SUCLA2: variants seen among roughly 807,000 people sequenced by gnomAD.
The protein encoded by SUCLA2 is succinate-CoA ligase ADP-forming subunit beta.
In SUCLA2, 30 loss-of-function variants were observed where a neutral mutation model predicts 54.8. The observed-to-expected ratio is 0.55, with a 90% CI of 0.41 to 0.74. The LOEUF (loss-of-function observed/expected upper bound fraction) is 0.74. SUCLA2 is among the 30% of genes least tolerant of loss of function. The pLI, the probability that SUCLA2 is intolerant of heterozygous loss-of-function variation, is 0.00. For synonymous variants in SUCLA2, 172 were observed against 188.9 expected (o/e 0.91, Z 0.74); for missense variants, 476 against 562.9 (o/e 0.85, Z 1.56).
At chr13:47,943,894 T>A (rs184679938) in intron 10 of SUCLA2, among the ~76,000 whole-genome samples, 2 of 151,988 alleles carry the variant, frequency 1.3e-5, no homozygotes, top group Admixed American at 1.3e-4. Context: ...CAATCTTAAC[T>A]TAAAATGTTG....
intron 6 of SUCLA2, 56 bp downstream of exon 6, chr13:47,968,539 G>A: frequency 6.3e-7 from 1 of 1,595,986 alleles, no homozygotes; most frequent in East Asian, 2.2e-5. Context: ...CTTCCTTAGG[G>A]AAGCATATTA....
At chr13:47,952,693 GA>G (rs1949785798) in intron 8 of SUCLA2, among the ~76,000 whole-genome samples, 2 of 152,058 alleles carry the variant, frequency 1.3e-5, no homozygotes, top group South Asian at 4.1e-4. Flanking sequence ...TTCCACAAGA[GA>G]ATTCATTATG....
intron 6 of SUCLA2, among the ~76,000 whole-genome samples, chr13:47,966,701 C>A (rs9526424): frequency 0.73 from 109,937 of 150,732 alleles, 41,023 homozygotes; most frequent in Non-Finnish European, 0.82. Flanking sequence ...AAATTATTTT[C>A]AAGTATTTTC....
chr13:47,965,452 C>T (rs1356082178), intron 6 of SUCLA2: 6 of 376,482 alleles, frequency 1.6e-5, no homozygotes, highest in African/African-American at 2.3e-5. Flanking sequence ...AACAGAGAAA[C>T]ACAAACTGAA....
chr13:47,996,933 T>C lies in SUCLA2; in HGVS notation c.181A>G (p.Met61Val), dbSNP rs1950196315. 6.2e-7 allele frequency: 1 copy of C among 1,613,980 alleles called. No individual in the cohort carries two copies. Among genetic ancestry groups the C allele is most frequent in the African/African-American group, 1.3e-5 (1 of 74,912 alleles). ...RNLSLHEYMS[M>V]ELLQEAGVSV... ...ACACCAGCTTCTTGCAATAATTCCA[T>C]ACTCATGTATTCATGTAGTGAGAGA... The change falls in exon 2 of 11, where the codon ATG (methionine) becomes GTG (valine). Residue 61 changes from methionine (M) to valine (V), a missense_variant. Transcript: ENST00000646932.
chr13:47,952,809 C>T (rs1199997214), intron 8 of SUCLA2, among the ~76,000 whole-genome samples: 2 of 152,260 alleles, frequency 1.3e-5, no homozygotes, highest in East Asian at 3.9e-4. Flanking sequence ...AACATTATCT[C>T]TTATCATTTA....
rs71099649 is a variant in SUCLA2 at position 47,959,503 on chromosome 13, G to GGGAGGA, written c.803-4952_803-4947dup. ...AGGAGGAGGGGGGAAGGGGAGCGGGGGGAGGAGGAGGAGGAGGAGGAGGAG... is the reference window on the plus strand; with the variant it reads ...AGGAGGAGGGGGGAAGGGGAGCGGGGGGAGGAGGAGGAGGAGGAGGAGGAGGAGGAG... On this transcript the variant is annotated intron_variant, in intron 6 of 10. Coordinates refer to ENST00000646932, the MANE Select transcript of SUCLA2 (RefSeq NM_003850.3). 9.3e-3 allele frequency among the ~76,000 whole-genome samples: 174 copies of GGGAGGA among 18,770 alleles called. 2 individuals carry two copies. Among genetic ancestry groups the GGGAGGA allele is most frequent in the Middle Eastern group, 0.031 (1 of 32 alleles). The allele number at this position is 18,770 out of a possible 152,430, so 12.3% of individuals were successfully genotyped here. A position where few individuals can be genotyped will look rare whatever the true frequency, so the allele number is the denominator to read the frequency against.
intron 4 of SUCLA2, among the ~76,000 whole-genome samples, chr13:47,974,794 G>GA (rs750009188): frequency 2.6e-5 from 4 of 151,816 alleles, no homozygotes; most frequent in Admixed American, 1.3e-4. Flanking sequence ...ATGTTAACAT[G>GA]AAAAAAAGAG....
chr13:47,975,117 C>CT (rs997284605), intron 4 of SUCLA2, among the ~76,000 whole-genome samples: 8 of 147,524 alleles, frequency 5.4e-5, no homozygotes, highest in Admixed American at 2.0e-4. Flanking sequence ...GGCATGACAA[C>CT]TTTTTTTTTT....
chr13:47,963,374 T>C (rs1270898081), intron 6 of SUCLA2, among the ~76,000 whole-genome samples: 1 of 152,226 alleles, frequency 6.6e-6, no homozygotes, highest in Non-Finnish European at 1.5e-5. Flanking sequence ...CCAGGTGCAG[T>C]GGCTCACGCC....
At chr13:47,995,923 T>C (rs1363175164) in intron 2 of SUCLA2, among the ~76,000 whole-genome samples, 3 of 152,216 alleles carry the variant, frequency 2.0e-5, no homozygotes, top group Admixed American at 2.0e-4. Flanking sequence ...CTAATAAACA[T>C]GGGCAACTAT....
At chr13:47,986,053 C>T (rs1431434177) in intron 4 of SUCLA2, among the ~76,000 whole-genome samples, 1 of 72,178 alleles carries the variant, frequency 1.4e-5, no homozygotes, top group Non-Finnish European at 2.7e-5. Context: ...TTTTTTGAAA[C>T]GGATTCTTAC....
chr13:47,961,693 C>T (rs74991768), intron 6 of SUCLA2, among the ~76,000 whole-genome samples: 15,863 of 152,108 alleles, frequency 0.1, 912 homozygotes, highest in South Asian at 0.18. Flanking sequence ...CAGGATTCTA[C>T]GACATTCCTG....
chr13:47,989,069 T>G (rs560061883), intron 2 of SUCLA2, 88 bp from the exon 3 acceptor site: 1 of 1,266,350 alleles, frequency 7.9e-7, no homozygotes, highest in East Asian at 2.3e-5. Context: ...TATTGACAGG[T>G]GTTATTAAAT....
At chr13:47,960,906 A>G (rs1024969854) in intron 6 of SUCLA2, among the ~76,000 whole-genome samples, 1 of 152,154 alleles carries the variant, frequency 6.6e-6, no homozygotes, top group Non-Finnish European at 1.5e-5. Context: ...ATCACTGCGG[A>G]AGAGGTAGCC....
intron 8 of SUCLA2, 40 bp from the exon 9 acceptor site, chr13:47,949,643 A>C (rs1302104458): frequency 6.2e-7 from 1 of 1,606,124 alleles, no homozygotes; most frequent in South Asian, 1.1e-5. Context: ...ATTTAAAAGA[A>C]ATTTAAGTTC....
intron 10 of SUCLA2, among the ~76,000 whole-genome samples, chr13:47,946,195 AGTT>A (rs1949730176): frequency 6.6e-6 from 1 of 152,324 alleles, no homozygotes; most frequent in East Asian, 1.9e-4. Context: ...CTTTATTATT[AGTT>A]GTTGTTAATC....
chr13:47,954,073 T>A, intron 8 of SUCLA2, 67 bp downstream of exon 8: 1 of 1,245,694 alleles, frequency 8.0e-7, no homozygotes, highest in Non-Finnish European at 1.0e-6. Context: ...CATAAAAATA[T>A]ACATTTTTAT....
At chr13:47,954,700 T>A in intron 6 of SUCLA2, 143 bp from the exon 7 acceptor site, 1 of 967,124 alleles carries the variant, frequency 1.0e-6, no homozygotes, top group Non-Finnish European at 1.5e-6. Context: ...ATGTTCACTA[T>A]GAATTCAAAC....
Sources: gnomAD v4.1 joint callset for allele counts (sites outside exome capture counted in the v4.1 genomes callset) on GRCh38, gnomAD v4.1.1 for gene constraint, MANE v1.5 for transcripts, NCBI Gene and HGNC (gene_info 2026-07-23, HGNC 2026-07-21) for gene names.